ABCB11: variants seen among roughly 807,000 people sequenced by gnomAD.
ABCB11 encodes the protein bile salt export pump.
Under a neutral mutation model 148.0 loss-of-function variants are expected in ABCB11, and 95 were observed. The ratio of observed to expected loss-of-function variants is 0.64; its 90% CI spans 0.54 to 0.76. The LOEUF is 0.76. Ranked by LOEUF, ABCB11 falls within the 30% of genes least tolerant of loss-of-function variation. The pLI is 0.00. For synonymous variants in ABCB11, 591 were observed against 555.4 expected (o/e 1.06, Z -0.90); for missense variants, 1,523 against 1,617.8 (o/e 0.94, Z 1.01).
In ABCB11 at chr2:168,921,821, AT is replaced by A. The variant is rs1317663139; in HGVS notation, c.*1800del. 7.0e-6 allele frequency among the ~76,000 whole-genome samples: 1 copy of A among 143,836 alleles called. No homozygotes were observed. Among genetic ancestry groups the A allele is most frequent in the Non-Finnish European group, 1.5e-5 (1 of 65,408 alleles). 94.4% of individuals were successfully genotyped at this position (143,836 alleles called of 152,430 possible). ...AATACGGCTGGAAAATTTTCTTAGG[AT>A]TCCAAGGACGGAGTCCTTGACCTCT... On this transcript the variant is annotated 3_prime_UTR_variant, in exon 28 of 28. Coordinates refer to ENST00000650372, the MANE Select transcript of ABCB11 (RefSeq NM_003742.4).
At chr2:168,942,357 TAGA>T (rs1194528621) in intron 21 of ABCB11, among the ~76,000 whole-genome samples, 1 of 151,828 alleles carries the variant, frequency 6.6e-6, no homozygotes, top group African/African-American at 2.4e-5. Flanking sequence ...AATAAATTTT[TAGA>T]AGAAGTTAAA....
At chr2:169,021,976 CT>C (rs1397831013) in intron 1 of ABCB11, among the ~76,000 whole-genome samples, 1 of 151,900 alleles carries the variant, frequency 6.6e-6, no homozygotes, top group Non-Finnish European at 1.5e-5. Flanking sequence ...AAATTAAACA[CT>C]AGTAAAACAC....
chr2:168,963,774 T>C (rs866234364), intron 18 of ABCB11, among the ~76,000 whole-genome samples: 7 of 151,948 alleles, frequency 4.6e-5, no homozygotes, highest in African/African-American at 1.2e-4. Context: ...ATTCAAACAC[T>C]TTTGTTGATC....
rs853772 is a variant in ABCB11 at position 168,958,145 on chromosome 2, G to C, written c.2179-17C>G. The C allele has an allele frequency of 3.7e-6, 6 of 1,607,118 alleles. No homozygotes were observed. The highest frequency in any genetic ancestry group is 5.1e-6 in the Non-Finnish European group (6 of 1,175,662). The stretch of plus-strand genomic sequence containing the variant: ...GTCCTTGTCCTTGAGCAGAGAGAGG[G>C]TTATATTAATCATCTAAATGTACTC... On this transcript the variant is annotated splice_polypyrimidine_tract_variant and intron_variant, in intron 18 of 27. Transcript: ENST00000650372.
intron 18 of ABCB11, among the ~76,000 whole-genome samples, chr2:168,960,450 C>CACAGCCTGACATGATAG: frequency 6.6e-6 from 1 of 151,672 alleles, no homozygotes; most frequent in East Asian, 2.0e-4. Context: ...ATGGTCCACC[C>CACAGCCTGACATGATAG]ACAGCCTGAC....
At position 168,973,729 on chromosome 2, in the gene ABCB11, G is replaced by GATCC; in HGVS notation, c.1419_1420insGGAT (p.Pro474GlyfsTer4). ...AAGACACCCACCATTCCTTCACAGG[G>GATCC]GTCATAGAATCGCTGAATGAGTTGC... is the stretch of plus-strand genomic sequence containing the variant. On this transcript the variant is annotated frameshift_variant, in exon 13 of 28. Transcript: ENST00000650372. LOFTEE classifies it high-confidence loss of function. 1 of 1,611,832 alleles carries GATCC rather than the reference G, an allele frequency of 6.2e-7. No homozygotes were observed. The highest frequency in any genetic ancestry group is 2.2e-5 in the East Asian group (1 of 44,812).
At position 168,971,113 on chromosome 2, in the gene ABCB11, T is replaced by C. The variant is rs375089791; in HGVS notation, c.1638+734A>G. Among the ~76,000 whole-genome samples, 285 of 146,082 alleles carry C rather than the reference T, an allele frequency of 2.0e-3. 1 individual carries two copies. In the Middle Eastern group the frequency reaches 0.021, roughly 11 times the overall value. On this transcript the variant is annotated intron_variant, in intron 14 of 27. Coordinates refer to ENST00000650372, the MANE Select transcript of ABCB11 (RefSeq NM_003742.4). ...CTCAGTATGAACCTTGTCTTTACCATTTACTTGTTGTATAATCTTGAGCAA... is the reference window on the plus strand; with the variant it reads ...CTCAGTATGAACCTTGTCTTTACCACTTACTTGTTGTATAATCTTGAGCAA...
At chr2:169,014,809 C>T (rs1695303762) in intron 3 of ABCB11, among the ~76,000 whole-genome samples, 1 of 152,080 alleles carries the variant, frequency 6.6e-6, no homozygotes, top group Non-Finnish European at 1.5e-5. Flanking sequence ...CAAGAACATG[C>T]CCACACTTTT....
intron 21 of ABCB11, among the ~76,000 whole-genome samples, chr2:168,940,121 T>C (rs1691998017): frequency 6.6e-6 from 1 of 152,006 alleles, no homozygotes; most frequent in African/African-American, 2.4e-5. Flanking sequence ...GGCCTCTAAG[T>C]GTTCAAGTGA....
At chr2:168,928,249 G>A (rs1040589788) in intron 25 of ABCB11, among the ~76,000 whole-genome samples, 1 of 152,150 alleles carries the variant, frequency 6.6e-6, no homozygotes, top group African/African-American at 2.4e-5. Flanking sequence ...TAGCACTTAA[G>A]TCTGCAAAAC....
chr2:168,992,598 A>G (rs1694571389), intron 8 of ABCB11, among the ~76,000 whole-genome samples: 2 of 152,082 alleles, frequency 1.3e-5, no homozygotes, highest in Admixed American at 1.3e-4. Context: ...GCTTAAATGC[A>G]TAACGTGGAT....
intron 10 of ABCB11, among the ~76,000 whole-genome samples, chr2:168,982,391 C>T (rs1028925584): frequency 3.9e-5 from 6 of 152,084 alleles, no homozygotes; most frequent in Non-Finnish European, 5.9e-5. Flanking sequence ...TTACATAATA[C>T]GTCACTCAGT....
intron 1 of ABCB11, among the ~76,000 whole-genome samples, chr2:169,028,023 C>A (rs1329471340): frequency 6.6e-6 from 1 of 151,968 alleles, no homozygotes; most frequent in Non-Finnish European, 1.5e-5. Context: ...ACAGTCATAC[C>A]CTTTCATTTT....
At position 168,923,893 on chromosome 2, in the gene ABCB11, A is replaced by C. The variant is rs1380131366; in HGVS notation, c.3766-71T>G. 1.3e-5 allele frequency: 18 copies of C among 1,434,336 alleles called. No homozygotes were observed. In the Middle Eastern group the frequency reaches 6.6e-4, roughly 53 times the overall value. The allele number at this position is 1,434,336 out of a possible 1,614,324, so 88.9% of individuals were successfully genotyped here. ...CCCCAGCCCACCATCATGAGAGTTC[A>C]GTTAACACGACCTGAATAACAATCC... On this transcript the variant is annotated intron_variant, in intron 27 of 27. Coordinates refer to ENST00000650372, the MANE Select transcript of ABCB11 (RefSeq NM_003742.4).
rs748922246 is a variant in ABCB11, at chr2:169,016,788, TATC to T, written c.85_87del (p.Asp29del). ...AAATCAGTCACTTACCTTGATTTCT[TATC>T]ATTATTATCTGTCAGAAAAAAAAAT... On this transcript the variant is annotated inframe_deletion, in exon 3 of 28. Coordinates refer to ENST00000650372, the MANE Select transcript of ABCB11 (RefSeq NM_003742.4). 129 of 1,594,838 alleles carry T rather than the reference TATC, an allele frequency of 8.1e-5. No individual in the cohort carries two copies. Among genetic ancestry groups the T allele is most frequent in the South Asian group, 7.4e-4 (65 of 87,452 alleles).
chr2:169,003,323 C>CAT (rs373164160), intron 5 of ABCB11, among the ~76,000 whole-genome samples: 7 of 141,474 alleles, frequency 4.9e-5, no homozygotes, highest in East Asian at 4.3e-4. Flanking sequence ...TTCCATGGTG[C>CAT]GTGTGTGTGT....
chr2:169,013,129 A>G, intron 5 of ABCB11, 143 bp downstream of exon 5: 3 of 618,880 alleles, frequency 4.8e-6, no homozygotes, highest in Non-Finnish European at 8.2e-6. Context: ...AGTAATTTCT[A>G]GAAATATGGG....
chr2:169,004,336 T>C (rs963728435), intron 5 of ABCB11, among the ~76,000 whole-genome samples: 1 of 152,200 alleles, frequency 6.6e-6, no homozygotes, highest in Non-Finnish European at 1.5e-5. Context: ...TTTAACATAG[T>C]CCCAGACTTC....
At chr2:168,926,064 T>C (rs483234) in intron 26 of ABCB11, among the ~76,000 whole-genome samples, 42,797 of 152,110 alleles carry the variant, frequency 0.28, 7,769 homozygotes, top group South Asian at 0.55. Context: ...ACCCACAAAA[T>C]TTATAAACAT....
Sources: gnomAD v4.1 joint callset for allele counts (sites outside exome capture counted in the v4.1 genomes callset) on GRCh38, gnomAD v4.1.1 for gene constraint, MANE v1.5 for transcripts, NCBI Gene and HGNC (gene_info 2026-07-23, HGNC 2026-07-21) for gene names.